DDX17: variants seen among roughly 807,000 people sequenced by gnomAD.
DDX17 encodes the protein probable ATP-dependent RNA helicase DDX17.
DDX17 carries 10 observed loss-of-function variants against 80.8 expected under a neutral mutation model. The ratio of observed to expected loss-of-function variants is 0.12; its 90% CI spans 0.08 to 0.21. DDX17 has a LOEUF of 0.21. Among genes scored for constraint, DDX17 ranks in the 10% least tolerant of loss-of-function variants. DDX17 has a pLI of 1.00. For synonymous variants in DDX17, 339 were observed against 336.2 expected, an observed-to-expected ratio of 1.01 and a Z score of -0.09; for missense variants, 586 against 957.4, an observed-to-expected ratio of 0.61 and a Z score of 5.12.
At chr22:38,499,272 G>T in intron 3 of DDX17, 128 bp downstream of exon 3, 2 of 698,336 alleles carry the variant, frequency 2.9e-6, no homozygotes, top group South Asian at 1.7e-5. Context: ...CAGAACTGAT[G>T]ACCATAAAAA....
chr22:38,500,509 G>A (rs969471277), intron 2 of DDX17, among the ~76,000 whole-genome samples: 6 of 151,202 alleles, frequency 4.0e-5, no homozygotes, highest in East Asian at 4.0e-4. Flanking sequence ...GCAAGATTCC[G>A]TCTCAAAAAT....
At chr22:38,495,699 A>G in intron 6 of DDX17, 97 bp downstream of exon 6, 1 of 981,490 alleles carries the variant, frequency 1.0e-6, no homozygotes, top group Non-Finnish European at 1.4e-6. Context: ...TGAAATTCTG[A>G]GTTTATCACA....
chr22:38,488,552 A>C, intron 11 of DDX17: 1 of 997,754 alleles, frequency 1.0e-6, no homozygotes. Context: ...GCCTGGCAAA[A>C]TCTACCAACA....
intron 10 of DDX17, among the ~76,000 whole-genome samples, 198 bp from the exon 11 acceptor site, chr22:38,492,313 G>A (rs771799716): frequency 4.6e-5 from 7 of 152,084 alleles, no homozygotes; most frequent in Non-Finnish European, 8.8e-5. Context: ...ATGAAATACC[G>A]TTAAGAGAGT....
chr22:38,491,725 C>G, intron 11 of DDX17: 1 of 243,710 alleles, frequency 4.1e-6, no homozygotes, highest in Non-Finnish European at 7.8e-6. Flanking sequence ...AGCCAGAAAC[C>G]ACCACCAGAG....
intron 5 of DDX17, among the ~76,000 whole-genome samples, chr22:38,497,297 CAAAAAAAAAAAAAA>C (rs138448): frequency 2.8e-5 from 1 of 36,182 alleles, no homozygotes; most frequent in Non-Finnish European, 4.5e-5. Context: ...AACTCCATCT[CAAAAAAAAAAAAAA>C]AAAAAAAAAA....
intron 11 of DDX17, chr22:38,490,188 C>A: frequency 8.3e-7 from 1 of 1,198,216 alleles, no homozygotes. Context: ...TATCTGTGCA[C>A]TGCCACAATA....
chr22:38,494,746 A>C lies in DDX17; in HGVS notation c.1098T>G (p.Leu366=), dbSNP rs182482106. The C allele has an allele frequency of 3.0e-5, 49 of 1,614,202 alleles. No individual in the cohort carries two copies. In the African/African-American group the frequency reaches 5.7e-4, roughly 19 times the overall value. ...TGTAATCACGAAGGAAATCCTCTGC[A>C]AGCTGTCTTACTTCTTTTGGCCAGG... The change falls in exon 8 of 13, where the codon CTT becomes CTG. Residue 366 remains leucine, a synonymous_variant. Coordinates refer to ENST00000403230, the MANE Select transcript of DDX17 (RefSeq NM_006386.5).
At chr22:38,498,985 C>A (rs1410681362) in intron 3 of DDX17, among the ~76,000 whole-genome samples, 1 of 152,190 alleles carries the variant, frequency 6.6e-6, no homozygotes, top group East Asian at 1.9e-4. Context: ...GCACTTCAGC[C>A]TGGGTGACAA....
rs565692843 is a variant in DDX17 at position 38,505,564 on chromosome 22, A to G, written c.287+387T>C. The G allele has an allele frequency of 4.5e-5, 9 of 198,436 alleles. No homozygotes were observed. The South Asian group carries it at 1.5e-3, about 34-fold the overall frequency. 12.3% of individuals were successfully genotyped at this position (198,436 alleles called of 1,614,324 possible). Reference sequence around the variant, plus strand: ...CAGGAAGATCCGCGTTTTTCAGATGAACGCCGAGGCCTGGAGACATCGAAC... The same window carrying G: ...CAGGAAGATCCGCGTTTTTCAGATGGACGCCGAGGCCTGGAGACATCGAAC... On this transcript the variant is annotated intron_variant, in intron 1 of 12. Transcript: ENST00000403230.
intron 12 of DDX17, 147 bp from the exon 13 acceptor site, chr22:38,486,587 T>G: frequency 8.0e-7 from 1 of 1,246,292 alleles, no homozygotes; most frequent in Non-Finnish European, 1.1e-6. Flanking sequence ...ACTGTAAAAA[T>G]ATACTCATAA....
rs760324488 is a variant in DDX17, at chr22:38,501,228, C to T, written c.340G>A (p.Gly114Arg). ...CACTTTTTTTTACGCAAACGCTCCC[C>T]AGGATTACCAAATTTCTTCGGGGGA... The change falls in exon 2 of 13, where the codon GGG becomes AGG. Residue 114 changes from glycine (G) to arginine (R), a missense_variant. This residue lies in a region of DDX17 where 215 missense variants were observed against 238.4 expected (regional missense o/e 0.90). Transcript: ENST00000403230. The T allele has an allele frequency of 1.9e-6, 3 of 1,613,148 alleles. No individual in the cohort carries two copies. Among genetic ancestry groups the T allele is most frequent in the South Asian group, 2.2e-5 (2 of 90,892 alleles).
intron 11 of DDX17, 142 bp from the exon 12 acceptor site, chr22:38,488,257 G>A (rs1160152006): frequency 4.5e-5 from 70 of 1,548,622 alleles, no homozygotes; most frequent in Admixed American, 3.5e-4. Context: ...ACTCTGAACA[G>A]AAACAAAAAA....
At position 38,486,113 on chromosome 22, in the gene DDX17, C is replaced by A. The variant is rs757127097; in HGVS notation, c.2012G>T (p.Ser671Ile). Residue 671 changes from serine to isoleucine, a missense_variant, in exon 13 of 13, where the codon AGT becomes ATT. Physicochemically the swap from Ser to Ile is moderately radical, Grantham distance 142 (BLOSUM62 -2). Transcript: ENST00000403230. Reference sequence around the variant, plus strand: ...AAACTGCTGGCTAGAGCTCTGTGAACTTCTCCCAGTTGAGGTGGTGCTACT... The same window carrying A: ...AAACTGCTGGCTAGAGCTCTGTGAAATTCTCCCAGTTGAGGTGGTGCTACT... 1 of 1,614,064 alleles carries A rather than the reference C, an allele frequency of 6.2e-7. No individual in the cohort carries two copies.
At chr22:38,490,228 T>C in intron 11 of DDX17, 2 of 1,227,126 alleles carry the variant, frequency 1.6e-6, no homozygotes, top group Non-Finnish European at 2.1e-6. Context: ...GAAGATGCTG[T>C]AGCAGGGTAA....
At position 38,494,943 on chromosome 22, in the gene DDX17, G is replaced by T; in HGVS notation, c.984C>A (p.Asp328Glu). 6.2e-7 allele frequency: 1 copy of T among 1,614,206 alleles called. No homozygotes were observed. Among genetic ancestry groups the T allele is most frequent in the Non-Finnish European group, 8.5e-7 (1 of 1,180,046 alleles). The stretch of plus-strand genomic sequence containing the variant: ...GTTCAAACCCCATATCAAGCATTCT[G>T]TCAGCTTCGTCCAATACAAGGTAAG... Residue 328 changes from aspartate to glutamate, a missense_variant, in exon 7 of 13, where the codon GAC becomes GAA. Coordinates refer to ENST00000403230, the MANE Select transcript of DDX17 (RefSeq NM_006386.5).
intron 11 of DDX17, chr22:38,490,411 G>C (rs1357408209): frequency 7.6e-5 from 98 of 1,289,352 alleles, no homozygotes; most frequent in Non-Finnish European, 9.8e-5. Context: ...CATGTATTGA[G>C]TGATCTGCAG....
chr22:38,494,312 C>A, intron 8 of DDX17, 181 bp from the exon 9 acceptor site: 1 of 593,256 alleles, frequency 1.7e-6, no homozygotes. Flanking sequence ...CTAACTCATA[C>A]CATCCTCACA....
chr22:38,488,172 A>G (rs912419051), intron 11 of DDX17, 57 bp from the exon 12 acceptor site: 20 of 1,611,368 alleles, frequency 1.2e-5, no homozygotes, highest in Admixed American at 1.0e-4. Flanking sequence ...AAGAGAAGGT[A>G]AAGGACATGC....
Sources: allele counts gnomAD v4.1 joint callset (sites outside exome capture counted in the v4.1 genomes callset), GRCh38; gene constraint gnomAD v4.1.1; regional missense constraint gnomAD v4.1.1; transcripts MANE v1.5; gene names NCBI Gene and HGNC (gene_info 2026-07-23, HGNC 2026-07-21).